PCDHGA1: variants seen among roughly 807,000 people sequenced by gnomAD.
The protein encoded by PCDHGA1 is protocadherin gamma subfamily A, 1.
Under a neutral mutation model 58.0 loss-of-function variants are expected in PCDHGA1, and 32 were observed. That is an observed-to-expected ratio of 0.55 (90% CI 0.42 to 0.74). The LOEUF (loss-of-function observed/expected upper bound fraction) is 0.74, where lower values mean the gene tolerates loss of function less well. Among genes scored for constraint, PCDHGA1 ranks in the 30% least tolerant of loss-of-function variants. The pLI is 0.00. For missense variants in PCDHGA1, 1,205 were observed against 1,182.3 expected, an observed-to-expected ratio of 1.02 and a Z score of -0.28; for synonymous variants, 498 against 501.1, an observed-to-expected ratio of 0.99 and a Z score of 0.08.
chr5:141,431,609 G>A lies in PCDHGA1; in HGVS notation c.2422-63198G>A. The A allele has an allele frequency of 6.2e-7, 1 of 1,614,232 alleles. No homozygotes were observed. The highest frequency in any genetic ancestry group is 8.5e-7 in the Non-Finnish European group (1 of 1,180,046). On this transcript the variant is annotated intron_variant, in intron 1 of 3. Coordinates refer to ENST00000517417, the MANE Select transcript of PCDHGA1 (RefSeq NM_018912.3). The surrounding 1 kb of genome is among the most constrained non-coding windows in gnomAD (Gnocchi z 4.8). ...GGAAGTGAGGTATTCCTTCCGGTAT[G>A]TGGACGACAAGGCGGCCCAAGTTTT...
chr5:141,371,438 CCTGGCTT>C (rs750409810), intron 1 of PCDHGA1: 1 of 1,613,882 alleles, frequency 6.2e-7, no homozygotes, highest in Non-Finnish European at 8.5e-7. Context: ...CGGAGATAAC[CCTGGCTT>C]CTGAATCCCA....
At chr5:141,399,230 A>G (rs764321114) in intron 1 of PCDHGA1, 2 of 1,614,002 alleles carry the variant, frequency 1.2e-6, no homozygotes, top group Non-Finnish European at 1.7e-6. Context: ...ATCAAAATAC[A>G]TGACCAAGAT....
chr5:141,489,086 G>A lies in PCDHGA1; in HGVS notation c.2422-5721G>A, dbSNP rs2233599. ...CCCCCCTGCCCACCCCCGCCACTCG[G>A]TGACTAAGAACTGCTGCAAGCAGGC... On this transcript the variant is annotated intron_variant, in intron 1 of 3. Coordinates refer to ENST00000517417, the MANE Select transcript of PCDHGA1 (RefSeq NM_018912.3). The surrounding 1 kb of genome is among the most constrained non-coding windows in gnomAD (Gnocchi z 4.5). 2.2e-3 allele frequency: 754 copies of A among 340,206 alleles called. 5 individuals carry two copies. Among genetic ancestry groups the A allele is most frequent in the African/African-American group, 0.018 (712 of 39,726 alleles). 21.1% of individuals were successfully genotyped at this position (340,206 alleles called of 1,614,324 possible).
intron 1 of PCDHGA1, among the ~76,000 whole-genome samples, chr5:141,468,857 C>A (rs1386167428): frequency 2.0e-5 from 3 of 151,962 alleles, no homozygotes; most frequent in Non-Finnish European, 4.4e-5. Context: ...CAGAGCGAGA[C>A]TCCATCTCAA....
rs779686795 is a variant in PCDHGA1 at position 141,476,566 on chromosome 5, G to C, written c.2422-18241G>C. The stretch of plus-strand genomic sequence containing the variant: ...TGGAGATTAGCGAGGCCGTGGCTCC[G>C]GGGACGCGCTTTCCGCTCGAGAGCG... On this transcript the variant is annotated intron_variant, in intron 1 of 3. Transcript: ENST00000517417. This position sits in a 1 kb window ranked among gnomAD's most constrained non-coding sequence, Gnocchi z 7.6. 1.2e-6 allele frequency: 2 copies of C among 1,614,180 alleles called. No homozygotes were observed. The highest frequency in any genetic ancestry group is 1.7e-5 in the Admixed American group (1 of 60,030).
intron 1 of PCDHGA1, chr5:141,430,848 A>G (rs780445178): frequency 1.3e-6 from 2 of 1,581,028 alleles, no homozygotes; most frequent in Admixed American, 1.8e-5. Flanking sequence ...GGATGCACCC[A>G]GATACGCTAT....
intron 1 of PCDHGA1, chr5:141,426,438 G>A (rs567163831): frequency 4.7e-5 from 14 of 300,110 alleles, no homozygotes; most frequent in Admixed American, 1.7e-4. Context: ...GGAACCTTGC[G>A]GAGGACATGC....
intron 1 of PCDHGA1, chr5:141,399,141 C>T (rs778835051): frequency 1.9e-6 from 3 of 1,613,660 alleles, no homozygotes; most frequent in African/African-American, 1.3e-5. Flanking sequence ...ATGAAAATGA[C>T]AATAGCCCAG....
chr5:141,460,686 C>A (rs2098995566), intron 1 of PCDHGA1, among the ~76,000 whole-genome samples: 1 of 151,698 alleles, frequency 6.6e-6, no homozygotes, highest in Admixed American at 6.6e-5. Context: ...TCTATATATC[C>A]ACCAACAGTT....
intron 1 of PCDHGA1, chr5:141,399,759 G>A: frequency 1.2e-6 from 2 of 1,613,348 alleles, no homozygotes; most frequent in Non-Finnish European, 1.7e-6. Flanking sequence ...ACGTGAGCCT[G>A]CGCGTGTTGG....
At chr5:141,484,589 C>T (rs2154580160) in intron 1 of PCDHGA1, among the ~76,000 whole-genome samples, 1 of 152,074 alleles carries the variant, frequency 6.6e-6, no homozygotes, top group African/African-American at 2.4e-5. Context: ...GGAAGCTACT[C>T]ATTTAGAATA....
At chr5:141,375,144 G>A (rs747224962) in intron 1 of PCDHGA1, 3 of 1,613,936 alleles carry the variant, frequency 1.9e-6, no homozygotes, top group Non-Finnish European at 2.5e-6. Flanking sequence ...TCTGGAAGCA[G>A]AACAATTGCT....
intron 1 of PCDHGA1, chr5:141,441,894 G>T: frequency 2.9e-6 from 1 of 347,862 alleles, no homozygotes; most frequent in Non-Finnish European, 5.6e-6. Context: ...CCAAGGTGGT[G>T]GCTGTAGACG....
intron 1 of PCDHGA1, chr5:141,372,188 G>A (rs771970227): frequency 1.2e-6 from 2 of 1,613,434 alleles, no homozygotes; most frequent in Admixed American, 1.7e-5. Context: ...ACGCAGACTC[G>A]GGATACAACG....
At chr5:141,472,980 C>CAAAAAAAA (rs60579131) in intron 1 of PCDHGA1, among the ~76,000 whole-genome samples, 7 of 86,098 alleles carry the variant, frequency 8.1e-5, no homozygotes, top group Admixed American at 1.2e-4. Context: ...GAGTGAAACT[C>CAAAAAAAA]AAAAAAAAAA....
intron 1 of PCDHGA1, chr5:141,410,048 C>T (rs1471679304): frequency 4.3e-6 from 7 of 1,613,042 alleles, no homozygotes; most frequent in Non-Finnish European, 4.2e-6. Flanking sequence ...TGAGCCCGGA[C>T]TCTTCAGCCT....
chr5:141,338,540 C>A (rs1756761066), intron 1 of PCDHGA1, among the ~76,000 whole-genome samples: 1 of 152,194 alleles, frequency 6.6e-6, no homozygotes, highest in Non-Finnish European at 1.5e-5. Flanking sequence ...AGATCATGTT[C>A]ATTTATACCA....
Position 141,481,556 on chromosome 5 carries a change from G to A in PCDHGA1, c.2422-13251G>A, listed in dbSNP as rs553126587. Among the ~76,000 whole-genome samples the A allele has an allele frequency of 1.2e-4, 18 of 152,266 alleles. No homozygotes were observed. The South Asian group carries it at 1.4e-3, about 12-fold the overall frequency. On this transcript the variant is annotated intron_variant, in intron 1 of 3. Coordinates refer to ENST00000517417, the MANE Select transcript of PCDHGA1 (RefSeq NM_018912.3). ...GATGGGGCTGGGCTCAGTGGCTCAC[G>A]CCTGTAATCCCAGTACTTAGGGAGG...
intron 1 of PCDHGA1, chr5:141,393,467 C>G (rs1589192441): frequency 6.2e-7 from 1 of 1,614,044 alleles, no homozygotes; most frequent in East Asian, 2.2e-5. Flanking sequence ...CGGATGGCGG[C>G]AAGCCGCCTC....
Sources: allele counts gnomAD v4.1 joint callset (sites outside exome capture counted in the v4.1 genomes callset), GRCh38; gene constraint gnomAD v4.1.1; non-coding constraint Gnocchi (gnomAD v3.1); transcripts MANE v1.5; gene names NCBI Gene and HGNC (gene_info 2026-07-23, HGNC 2026-07-21).